The following AGO3 variants were observed in gnomAD, a reference collection of about 807,000 sequenced individuals.
AGO3 encodes protein argonaute-3.
In AGO3, 16 loss-of-function variants were observed where a neutral mutation model predicts 105.5. The ratio of observed to expected loss-of-function variants is 0.15; its 90% CI spans 0.10 to 0.23. AGO3 has a LOEUF of 0.23. AGO3 is among the 10% of genes least tolerant of loss of function. The probability of loss-of-function intolerance (pLI) is 1.00; values close to 1 mark genes in which losing one functional copy is unlikely to be tolerated. For synonymous variants in AGO3, 340 were observed against 367.3 expected, an observed-to-expected ratio of 0.93 and a Z score of 0.85; for missense variants, 534 against 1,088.0, an observed-to-expected ratio of 0.49 and a Z score of 7.16.
At chr1:35,930,872 G>T (rs905999319), upstream of AGO3, 49 of 226,186 alleles carry the variant, frequency 2.2e-4, no homozygotes, top group Middle Eastern at 1.4e-3. Context: ...CCACTCGTGC[G>T]GCGCGAGTAG....
chr1:36,029,168 T>C (rs1641649527), intron 12 of AGO3, among the ~76,000 whole-genome samples: 1 of 152,222 alleles, frequency 6.6e-6, no homozygotes, highest in Admixed American at 6.5e-5. Flanking sequence ...ACCTGTCATA[T>C]AGTAAACAGT....
intron 2 of AGO3, among the ~76,000 whole-genome samples, chr1:35,962,107 C>T (rs893812613): frequency 7.2e-5 from 11 of 152,112 alleles, no homozygotes; most frequent in Non-Finnish European, 1.3e-4. Flanking sequence ...TTATTAATTA[C>T]TTACTATATG....
In AGO3 at chr1:36,008,160, T is replaced by C. The variant is rs1048116985; in HGVS notation, c.794-530T>C. ...ACTATATTATACCTCTATAAAAGTG[T>C]CACTTTGCTTCTGTTAAAAATGCCT... On this transcript the variant is annotated intron_variant, in intron 6 of 18. Coordinates refer to ENST00000373191, the MANE Select transcript of AGO3 (RefSeq NM_024852.4). This position sits in a 1 kb window ranked among gnomAD's most constrained non-coding sequence, Gnocchi z 5.1. Among the ~76,000 whole-genome samples the C allele has an allele frequency of 5.9e-5, 9 of 152,208 alleles. No homozygotes were observed. Among genetic ancestry groups the C allele is most frequent in the African/African-American group, 2.2e-4 (9 of 41,446 alleles).
chr1:36,051,883 G>A (rs758223896), intron 17 of AGO3, among the ~76,000 whole-genome samples: 1 of 152,112 alleles, frequency 6.6e-6, no homozygotes, highest in Non-Finnish European at 1.5e-5. Context: ...ATCACAATGA[G>A]ATATCATCTC....
At chr1:35,984,041 G>A (rs1449112672) in intron 5 of AGO3, among the ~76,000 whole-genome samples, 1 of 152,136 alleles carries the variant, frequency 6.6e-6, no homozygotes, top group Non-Finnish European at 1.5e-5. Context: ...GATTGAAACA[G>A]GAAAGAGGAG....
chr1:35,967,740 C>G (rs1482339124), intron 3 of AGO3, among the ~76,000 whole-genome samples: 1 of 152,024 alleles, frequency 6.6e-6, no homozygotes, highest in African/African-American at 2.4e-5. Flanking sequence ...AATGTATATT[C>G]CTAAGAACAA....
Position 36,063,001 on chromosome 1 carries a change from G to A in AGO3, c.*7256G>A, listed in dbSNP as rs749076037. ...ATGCAACTTTTATATTTTGCTTGTC[G>A]GTTTTAAGGTATTTTATTTTTATAG... On this transcript the variant is annotated 3_prime_UTR_variant, in exon 19 of 19. Transcript: ENST00000373191. The A allele has an allele frequency of 4.6e-5, 7 of 151,876 alleles. No individual in the cohort carries two copies. Among genetic ancestry groups the A allele is most frequent in the Non-Finnish European group, 7.4e-5 (5 of 67,948 alleles). 9.4% of individuals were successfully genotyped at this position (151,876 alleles called of 1,614,324 possible).
At chr1:35,987,459 C>T (rs1647234868) in intron 5 of AGO3, among the ~76,000 whole-genome samples, 1 of 151,350 alleles carries the variant, frequency 6.6e-6, no homozygotes. Flanking sequence ...CGCCACTGCA[C>T]TCCAGCCTGG....
intron 5 of AGO3, among the ~76,000 whole-genome samples, chr1:35,996,755 G>A (rs776430844): frequency 3.6e-4 from 51 of 141,354 alleles, no homozygotes; most frequent in Non-Finnish European, 6.8e-4. Context: ...TGGGCGACGA[G>A]CAAAACTCCA....
At position 36,015,584 on chromosome 1, in the gene AGO3, G is replaced by A. The variant is rs562071334; in HGVS notation, c.1406+1536G>A. 3.5e-3 allele frequency among the ~76,000 whole-genome samples: 530 copies of A among 152,288 alleles called. 1 individual carries two copies. The highest frequency in any genetic ancestry group is 6.0e-3 in the Non-Finnish European group (408 of 68,034). On this transcript the variant is annotated intron_variant, in intron 11 of 18. Coordinates refer to ENST00000373191, the MANE Select transcript of AGO3 (RefSeq NM_024852.4). ...CTACCTATAGGCTACCAGCCGTTAG[G>A]CAATCAGTATCATATAAAAAAGATA...
At chr1:35,996,290 TCTGC>T in intron 5 of AGO3, among the ~76,000 whole-genome samples, 1 of 150,964 alleles carries the variant, frequency 6.6e-6, no homozygotes. Flanking sequence ...CCACTGTACT[TCTGC>T]CAGGGCAACA....
rs535528726 is a variant in AGO3 at position 35,986,246 on chromosome 1, A to G, written c.658+12735A>G. On this transcript the variant is annotated intron_variant, in intron 5 of 18. Coordinates refer to ENST00000373191, the MANE Select transcript of AGO3 (RefSeq NM_024852.4). ...ATCTTGCATGTGTGCTTGAAACATT[A>G]TATGTAATAGCAGAAAATTGGAAAC... Among the ~76,000 whole-genome samples the G allele has an allele frequency of 3.9e-5, 6 of 152,376 alleles. No individual in the cohort carries two copies. In the South Asian group the frequency reaches 6.2e-4, roughly 16 times the overall value.
At chr1:36,043,695 A>G (rs1217343880) in intron 17 of AGO3, 147 bp downstream of exon 17, 1 of 692,098 alleles carries the variant, frequency 1.4e-6, no homozygotes, top group African/African-American at 1.8e-5. Flanking sequence ...CAGTAAACAA[A>G]TGTCTTCCCT....
intron 5 of AGO3, among the ~76,000 whole-genome samples, chr1:35,993,738 C>CTTTTTT (rs141978570): frequency 2.3e-4 from 21 of 90,780 alleles, no homozygotes; most frequent in African/African-American, 9.1e-4. Flanking sequence ...CCACCCCCTG[C>CTTTTTT]TTTTTTTTTT....
intron 11 of AGO3, among the ~76,000 whole-genome samples, chr1:36,019,591 G>A (rs1641105325): frequency 6.6e-6 from 1 of 152,160 alleles, no homozygotes; most frequent in South Asian, 2.1e-4. Flanking sequence ...CAGAAAATAT[G>A]CACTGAAAAT....
intron 9 of AGO3, among the ~76,000 whole-genome samples, chr1:36,011,856 A>G (rs1361166528): frequency 6.6e-6 from 1 of 152,200 alleles, no homozygotes; most frequent in Non-Finnish European, 1.5e-5. Context: ...ATTATAAAAG[A>G]ACTGTTTTTG....
intron 1 of AGO3, among the ~76,000 whole-genome samples, chr1:35,939,954 CATGAT>C (rs1217218511): frequency 1.3e-5 from 2 of 152,030 alleles, no homozygotes; most frequent in Non-Finnish European, 2.9e-5. Flanking sequence ...GTTATGGACT[CATGAT>C]ATAGTACCAT....
At chr1:35,971,103 A>AATAATATATAAATTTATATT (rs1646861554) in intron 3 of AGO3, among the ~76,000 whole-genome samples, 1 of 146,760 alleles carries the variant, frequency 6.8e-6, no homozygotes, top group Non-Finnish European at 1.5e-5. Flanking sequence ...ATAAATTATA[A>AATAATATATAAATTTATATT]ATAATATATA....
chr1:35,958,315 AGGTT>A (rs1310187617), intron 2 of AGO3, among the ~76,000 whole-genome samples: 1 of 151,858 alleles, frequency 6.6e-6, no homozygotes, highest in African/African-American at 2.4e-5. Flanking sequence ...CAGGAGGTGG[AGGTT>A]GCAGTGAGCC....
Sources: allele counts gnomAD v4.1 joint callset (sites outside exome capture counted in the v4.1 genomes callset), GRCh38; gene constraint gnomAD v4.1.1; non-coding constraint Gnocchi (gnomAD v3.1); transcripts MANE v1.5; gene names NCBI Gene and HGNC (gene_info 2026-07-23, HGNC 2026-07-21).